Variants in CHL1 observed in about 807,000 individuals in gnomAD.
CHL1 encodes neural cell adhesion molecule L1-like protein.
CHL1 carries 96 observed loss-of-function variants against 141.9 expected under a neutral mutation model. The observed-to-expected ratio is 0.68, with a 90% CI of 0.57 to 0.80. CHL1 has a LOEUF of 0.80. Among genes scored for constraint, CHL1 ranks in the 30% least tolerant of loss-of-function variants. The probability of loss-of-function intolerance (pLI) is 0.00; values close to 1 mark genes in which losing one functional copy is unlikely to be tolerated. For synonymous variants in CHL1, 613 were observed against 502.2 expected, an observed-to-expected ratio of 1.22 and a Z score of -2.95; for missense variants, 1,820 against 1,457.2, an observed-to-expected ratio of 1.25 and a Z score of -4.05.
At chr3:200,889 G>A (rs1698862101) in intron 1 of CHL1, among the ~76,000 whole-genome samples, 1 of 152,122 alleles carries the variant, frequency 6.6e-6, no homozygotes, top group African/African-American at 2.4e-5. Flanking sequence ...TAATTTGGGA[G>A]GCTGCTTAAC....
chr3:200,048 T>A (rs1698774920), intron 1 of CHL1, among the ~76,000 whole-genome samples: 1 of 152,166 alleles, frequency 6.6e-6, no homozygotes, highest in South Asian at 2.1e-4. Context: ...CTTTAAAAGG[T>A]ACCTTGAGGA....
At chr3:235,591 C>T (rs1187767947) in intron 1 of CHL1, among the ~76,000 whole-genome samples, 1 of 152,106 alleles carries the variant, frequency 6.6e-6, no homozygotes, top group Non-Finnish European at 1.5e-5. Flanking sequence ...CTATCAGATA[C>T]ATTTTGGACT....
intron 19 of CHL1, chr3:384,403 G>C (rs1413679452): frequency 6.6e-6 from 1 of 152,192 alleles, no homozygotes; most frequent in Non-Finnish European, 1.5e-5. Context: ...GATTATGAAT[G>C]TCTTGCCCAT....
chr3:202,455 G>A (rs150726123), intron 1 of CHL1, among the ~76,000 whole-genome samples: 9 of 152,238 alleles, frequency 5.9e-5, no homozygotes, highest in African/African-American at 1.9e-4. Context: ...AAAGGTTTTC[G>A]CAATAGTTGT....
intron 2 of CHL1, among the ~76,000 whole-genome samples, chr3:282,337 A>G (rs1696742240): frequency 1.3e-5 from 2 of 152,322 alleles, no homozygotes; most frequent in Admixed American, 6.5e-5. Flanking sequence ...TTAACGTGGT[A>G]TTATAATTCT....
At chr3:355,634 G>C (rs1381366766) in intron 11 of CHL1, among the ~76,000 whole-genome samples, 1 of 152,216 alleles carries the variant, frequency 6.6e-6, no homozygotes, top group African/African-American at 2.4e-5. Context: ...GAGCCACTTG[G>C]TGGATAACAG....
intron 9 of CHL1, among the ~76,000 whole-genome samples, chr3:346,976 T>G (rs1289803334): frequency 6.6e-6 from 1 of 152,198 alleles, no homozygotes; most frequent in Non-Finnish European, 1.5e-5. Context: ...CAGGTGAACA[T>G]GAGATATAAT....
chr3:279,578 A>G (rs1559373299), intron 2 of CHL1, among the ~76,000 whole-genome samples: 1 of 152,184 alleles, frequency 6.6e-6, no homozygotes. Flanking sequence ...TTTTCCTGGC[A>G]TTTCTTAAAT....
chr3:270,125 TG>T (rs1270412422), intron 2 of CHL1, among the ~76,000 whole-genome samples: 1 of 151,902 alleles, frequency 6.6e-6, no homozygotes, highest in Non-Finnish European at 1.5e-5. Flanking sequence ...TGGCCAGAAA[TG>T]GGGGGAAGGG....
chr3:366,387 C>A, intron 15 of CHL1, among the ~76,000 whole-genome samples: 1 of 151,480 alleles, frequency 6.6e-6, no homozygotes, highest in East Asian at 1.9e-4. Context: ...ACAAGAATCA[C>A]TTGAACTCAG....
chr3:345,011 A>G (rs1486021460), intron 9 of CHL1, among the ~76,000 whole-genome samples: 1 of 152,122 alleles, frequency 6.6e-6, no homozygotes, highest in East Asian at 1.9e-4. Context: ...ATTAAAATTA[A>G]TAAAATAAAA....
At chr3:342,243 A>C (rs950520688) in intron 7 of CHL1, among the ~76,000 whole-genome samples, 161 bp downstream of exon 7, 3 of 152,220 alleles carry the variant, frequency 2.0e-5, no homozygotes, top group Non-Finnish European at 4.4e-5. Context: ...CTGCAGCTGC[A>C]GATTCACGGT....
chr3:235,241 C>T (rs191184545), intron 1 of CHL1, among the ~76,000 whole-genome samples: 155 of 151,916 alleles, frequency 1.0e-3, no homozygotes, highest in African/African-American at 2.4e-3. Flanking sequence ...ACTGATGCTG[C>T]GATAACACCT....
chr3:331,955 C>A (rs1255457343), intron 5 of CHL1, among the ~76,000 whole-genome samples: 1 of 152,186 alleles, frequency 6.6e-6, no homozygotes, highest in East Asian at 1.9e-4. Flanking sequence ...ATACATCCAA[C>A]AGAATACGTA....
chr3:401,550 A>G (rs1709137583), intron 26 of CHL1, 76 bp from the exon 27 acceptor site: 1 of 822,092 alleles, frequency 1.2e-6, no homozygotes, highest in Non-Finnish European at 2.0e-6. Context: ...CTGACTATTA[A>G]CTATTCCACA....
intron 2 of CHL1, among the ~76,000 whole-genome samples, chr3:260,419 A>G (rs929617180): frequency 3.3e-5 from 5 of 152,238 alleles, no homozygotes; most frequent in African/African-American, 1.2e-4. Flanking sequence ...ACTGGAGATC[A>G]CTATCTATTA....
At chr3:289,931 C>CTTTTTTTTT (rs769872997) in intron 2 of CHL1, among the ~76,000 whole-genome samples, 3 of 102,768 alleles carry the variant, frequency 2.9e-5, no homozygotes, top group African/African-American at 7.8e-5. Context: ...CCACTGGTAT[C>CTTTTTTTTT]TTTTTTTTTT....
intron 1 of CHL1, among the ~76,000 whole-genome samples, chr3:213,968 T>A (rs2124925109): frequency 6.6e-6 from 1 of 152,260 alleles, no homozygotes; most frequent in African/African-American, 2.4e-5. Context: ...ACAGGAGCCC[T>A]CCCTAATTTG....
At chr3:346,547 T>C (rs970486093) in intron 9 of CHL1, among the ~76,000 whole-genome samples, 2 of 152,170 alleles carry the variant, frequency 1.3e-5, no homozygotes, top group African/African-American at 4.8e-5. Context: ...GTCTTCAAAA[T>C]AATGAAATGC....
Sources: gnomAD v4.1 joint callset for allele counts (sites outside exome capture counted in the v4.1 genomes callset) on GRCh38, gnomAD v4.1.1 for gene constraint, MANE v1.5 for transcripts, NCBI Gene and HGNC (gene_info 2026-07-23, HGNC 2026-07-21) for gene names.